Variants in ARHGEF3 observed in about 807,000 individuals in gnomAD.
ARHGEF3 encodes 59.8 kDA protein.
A neutral mutation model predicts 63.2 loss-of-function variants in ARHGEF3; 28 were observed. The ratio of observed to expected loss-of-function variants is 0.44; its 90% CI spans 0.33 to 0.61. ARHGEF3 has a LOEUF of 0.61. Ranked by LOEUF, ARHGEF3 falls within the 20% of genes least tolerant of loss-of-function variation. The pLI is 0.03. For missense variants in ARHGEF3, 533 were observed against 659.3 expected, an observed-to-expected ratio of 0.81 and a Z score of 2.10; for synonymous variants, 266 against 254.2, an observed-to-expected ratio of 1.05 and a Z score of -0.44.
intron 3 of ARHGEF3, among the ~76,000 whole-genome samples, chr3:56,931,527 G>C (rs1258315490): frequency 1.7e-5 from 2 of 120,332 alleles, no homozygotes; most frequent in Non-Finnish European, 3.2e-5. Context: ...AGTGAGCCAT[G>C]ATCGTGCTAC....
chr3:56,768,064 T>C (rs1578457983), intron 2 of ARHGEF3, among the ~76,000 whole-genome samples: 7 of 150,978 alleles, frequency 4.6e-5, no homozygotes, highest in Admixed American at 4.0e-4. Flanking sequence ...TCAATATATA[T>C]ATATATTTTT....
chr3:56,992,375 TAAAAAA>T (rs57740672), intron 2 of ARHGEF3, among the ~76,000 whole-genome samples: 1,717 of 45,754 alleles, frequency 0.038, 19 homozygotes, highest in Non-Finnish European at 0.071. Context: ...AGGATGGCTT[TAAAAAA>T]AAAAAAAAAA....
At chr3:56,769,270 C>G (rs546839516) in intron 2 of ARHGEF3, among the ~76,000 whole-genome samples, 12 of 152,266 alleles carry the variant, frequency 7.9e-5, no homozygotes, top group Non-Finnish European at 1.8e-4. Context: ...GCTCAGGGAG[C>G]GACTGGCCAA....
At chr3:57,062,000 AG>A (rs1705246181) in intron 1 of ARHGEF3, among the ~76,000 whole-genome samples, 1 of 152,064 alleles carries the variant, frequency 6.6e-6, no homozygotes, top group Non-Finnish European at 1.5e-5. Context: ...TGCCTTTGGG[AG>A]GGTTTCCACA....
intron 2 of ARHGEF3, among the ~76,000 whole-genome samples, chr3:56,758,221 T>C (rs928746077): frequency 1.3e-5 from 2 of 150,816 alleles, no homozygotes; most frequent in African/African-American, 2.4e-5. Flanking sequence ...GTGGAGATTG[T>C]AGTAAGCTGA....
At position 56,737,095 on chromosome 3, in the gene ARHGEF3, T is replaced by A. The variant is rs923350913; in HGVS notation, c.1041+90A>T. On this transcript the variant is annotated intron_variant, in intron 8 of 9. Coordinates refer to ENST00000296315, the MANE Select transcript of ARHGEF3 (RefSeq NM_019555.3). ...TCTCAAAAAAGAACATGACCCTAGA[T>A]AGGGAAGAAATTCTAAGAGGAGGCT... The A allele has an allele frequency of 3.7e-6, 5 of 1,358,898 alleles. No individual in the cohort carries two copies. In the East Asian group the frequency reaches 1.2e-4, roughly 32 times the overall value. 84.2% of individuals were successfully genotyped at this position (1,358,898 alleles called of 1,614,324 possible). A position where few individuals can be genotyped will look rare whatever the true frequency, so the allele number is the denominator to read the frequency against.
intron 2 of ARHGEF3, among the ~76,000 whole-genome samples, chr3:57,012,463 T>C (rs1702743477): frequency 6.6e-6 from 1 of 152,162 alleles, no homozygotes; most frequent in Non-Finnish European, 1.5e-5. Flanking sequence ...TTCACAATGT[T>C]GGTCAAGTTG....
chr3:56,803,961 T>C (rs1375253367), upstream of ARHGEF3, among the ~76,000 whole-genome samples: 2 of 151,758 alleles, frequency 1.3e-5, no homozygotes, highest in Non-Finnish European at 2.9e-5. Flanking sequence ...CTTGGCTCAC[T>C]GCAACCTTCT....
chr3:56,760,313 T>C (rs978482716), intron 2 of ARHGEF3, among the ~76,000 whole-genome samples: 9 of 152,232 alleles, frequency 5.9e-5, no homozygotes, highest in Non-Finnish European at 1.0e-4. Flanking sequence ...GTTAAACAAC[T>C]ATACCTTAAT....
At chr3:57,042,685 TATATATA>T (rs1704259306) in intron 1 of ARHGEF3, among the ~76,000 whole-genome samples, 1 of 35,360 alleles carries the variant, frequency 2.8e-5, no homozygotes, top group African/African-American at 1.8e-4. Flanking sequence ...TATATATATA[TATATATA>T]TATATATATT....
chr3:57,021,154 T>C (rs1703241083), intron 2 of ARHGEF3, among the ~76,000 whole-genome samples: 1 of 152,192 alleles, frequency 6.6e-6, no homozygotes, highest in Non-Finnish European at 1.5e-5. Context: ...CATAGACACC[T>C]GTGGTTCACC....
Position 56,887,552 on chromosome 3 carries a change from G to C in ARHGEF3, c.130-5198C>G, listed in dbSNP as rs140207184. Among the ~76,000 whole-genome samples, 8 of 152,140 alleles carry C rather than the reference G, an allele frequency of 5.3e-5. No individual in the cohort carries two copies. The South Asian group carries it at 1.2e-3, about 24-fold the overall frequency. ...CAGCTCCTGTTATGAATTGCCCACAGGAAGTAAAAAATGCCATTTTACTTC... is the reference window on the plus strand; with the variant it reads ...CAGCTCCTGTTATGAATTGCCCACACGAAGTAAAAAATGCCATTTTACTTC... On this transcript the variant is annotated intron_variant, in intron 3 of 12. Transcript: ENST00000338458.
At chr3:56,992,024 C>CTCTCTCTCTGTGTGTGTGTGTGTG (rs1239113895) in intron 2 of ARHGEF3, among the ~76,000 whole-genome samples, 4 of 131,718 alleles carry the variant, frequency 3.0e-5, no homozygotes, top group African/African-American at 1.2e-4. Flanking sequence ...CCTCCTCTCT[C>CTCTCTCTCTGTGTGTGTGTGTGTG]TGTGTGTGTG....
At chr3:56,933,514 G>A (rs747999220) in intron 3 of ARHGEF3, among the ~76,000 whole-genome samples, 111 of 151,534 alleles carry the variant, frequency 7.3e-4, no homozygotes, top group Non-Finnish European at 2.5e-4. Flanking sequence ...TGACCTCCTG[G>A]GCTCAGGTGA....
intron 2 of ARHGEF3, among the ~76,000 whole-genome samples, chr3:56,767,476 G>C (rs1578455896): frequency 6.6e-6 from 1 of 151,112 alleles, no homozygotes; most frequent in East Asian, 2.0e-4. Context: ...CCCAGCTACT[G>C]GGGAGGCCGA....
chr3:56,871,420 T>C (rs1035588462), intron 4 of ARHGEF3, among the ~76,000 whole-genome samples: 3 of 151,826 alleles, frequency 2.0e-5, no homozygotes, highest in Non-Finnish European at 2.9e-5. Context: ...AATGTGTAGA[T>C]GGGCATATGA....
At chr3:57,065,683 T>C (rs1705487098) in intron 1 of ARHGEF3, among the ~76,000 whole-genome samples, 1 of 152,206 alleles carries the variant, frequency 6.6e-6, no homozygotes, top group Admixed American at 6.5e-5. Flanking sequence ...TCATACAGGC[T>C]GAGTTCCCAC....
intron 2 of ARHGEF3, among the ~76,000 whole-genome samples, chr3:57,011,099 T>C (rs1002926867): frequency 2.6e-5 from 4 of 152,202 alleles, no homozygotes; most frequent in African/African-American, 9.6e-5. Flanking sequence ...GTAGGAGCTA[T>C]GATGAACATG....
chr3:56,906,136 T>C (rs184246185), intron 3 of ARHGEF3, among the ~76,000 whole-genome samples: 159 of 152,128 alleles, frequency 1.0e-3, no homozygotes, highest in African/African-American at 3.8e-3. Context: ...GTGCTGGGAT[T>C]ACAGGTGTGA....
Sources: gnomAD v4.1 joint callset for allele counts (sites outside exome capture counted in the v4.1 genomes callset) on GRCh38, gnomAD v4.1.1 for gene constraint, MANE v1.5 for transcripts, NCBI Gene and HGNC (gene_info 2026-07-23, HGNC 2026-07-21) for gene names.